SCN7A: variants seen among roughly 807,000 people sequenced by gnomAD.
SCN7A encodes the protein sodium channel protein type 7 subunit alpha.
In SCN7A, 138 loss-of-function variants were observed where a neutral mutation model predicts 155.2. The ratio of observed to expected loss-of-function variants is 0.89; its 90% CI spans 0.77 to 1.02. SCN7A has a LOEUF of 1.02. Ranked by LOEUF, SCN7A falls within the 50% of genes least tolerant of loss-of-function variation. SCN7A has a pLI of 0.00. For synonymous variants in SCN7A, 693 were observed against 649.0 expected, an observed-to-expected ratio of 1.07 and a Z score of -1.03; for missense variants, 2,058 against 1,986.6, an observed-to-expected ratio of 1.04 and a Z score of -0.68.
chr2:166,493,743 C>T (rs1683166307), intron 1 of SCN7A, among the ~76,000 whole-genome samples: 1 of 152,182 alleles, frequency 6.6e-6, no homozygotes, highest in African/African-American at 2.4e-5. Flanking sequence ...AGAAAACTGA[C>T]GGCACATGCC....
chr2:166,425,293 G>A (rs1701599473), intron 18 of SCN7A, among the ~76,000 whole-genome samples: 1 of 152,070 alleles, frequency 6.6e-6, no homozygotes, highest in Non-Finnish European at 1.5e-5. Flanking sequence ...AGTGGCCTGG[G>A]AAGTACTAAG....
Position 166,409,865 on chromosome 2 carries a change from A to T in SCN7A, c.3782T>A (p.Ile1261Lys). 6.4e-7 allele frequency: 1 copy of T among 1,568,558 alleles called. No homozygotes were observed. The highest frequency in any genetic ancestry group is 8.7e-7 in the Non-Finnish European group (1 of 1,154,706). Reference protein sequence around the residue: ...QAFNVIVMVLICFQAIAMMID... With the variant: ...QAFNVIVMVLKCFQAIAMMID... Reference sequence around the variant, plus strand: ...CATCATGGCTATTGCTTGGAAACATATAAGAACCATAACAATGACATTAAA... The same window carrying T: ...CATCATGGCTATTGCTTGGAAACATTTAAGAACCATAACAATGACATTAAA... The change falls in exon 25 of 26, where the codon ATA becomes AAA. Residue 1261 changes from isoleucine (I) to lysine (K), a missense_variant. Physicochemically the swap from Ile to Lys is moderately radical, Grantham distance 102. Coordinates refer to ENST00000643258, the MANE Select transcript of SCN7A (RefSeq NM_002976.4).
chr2:166,413,997 A>ATATATATATATATATG (rs1460237741), intron 21 of SCN7A, among the ~76,000 whole-genome samples: 1 of 100,928 alleles, frequency 9.9e-6, no homozygotes, highest in East Asian at 2.4e-4. Flanking sequence ...ATATATATAT[A>ATATATATATATATATG]TATATAAATA....
At chr2:166,425,731 A>G (rs1323157763) in intron 18 of SCN7A, among the ~76,000 whole-genome samples, 1 of 152,070 alleles carries the variant, frequency 6.6e-6, no homozygotes. Context: ...CTTTTGCCCG[A>G]ACCATTGTGA....
chr2:166,427,613 C>T (rs149848032), intron 18 of SCN7A, among the ~76,000 whole-genome samples, 175 bp downstream of exon 18: 117 of 151,944 alleles, frequency 7.7e-4, no homozygotes, highest in African/African-American at 2.7e-3. Flanking sequence ...CATATATAAA[C>T]TTTCTAAGAA....
intron 25 of SCN7A, among the ~76,000 whole-genome samples, chr2:166,409,397 A>G (rs71428923): frequency 0.076 from 11,476 of 151,982 alleles, 521 homozygotes; most frequent in Middle Eastern, 0.13. Context: ...AGGGTTGACT[A>G]AACATTCACC....
At chr2:166,465,316 T>G (rs1168994015) in intron 9 of SCN7A, 146 bp downstream of exon 9, 3 of 647,356 alleles carry the variant, frequency 4.6e-6, no homozygotes, top group Non-Finnish European at 8.1e-6. Context: ...GCAGCCTGAG[T>G]AGACTAAGAC....
At chr2:166,455,522 C>A (rs1702254915) in intron 11 of SCN7A, among the ~76,000 whole-genome samples, 1 of 151,968 alleles carries the variant, frequency 6.6e-6, no homozygotes, top group Non-Finnish European at 1.5e-5. Flanking sequence ...ATAATGGGAA[C>A]AACAGACCTT....
intron 5 of SCN7A, among the ~76,000 whole-genome samples, chr2:166,473,428 AG>A (rs1702703274): frequency 1.3e-5 from 2 of 151,622 alleles, no homozygotes; most frequent in Non-Finnish European, 3.0e-5. Flanking sequence ...AAAACTCAAA[AG>A]GTAACTTCAA....
chr2:166,458,210 C>T (rs981329424), intron 10 of SCN7A, among the ~76,000 whole-genome samples: 1 of 151,912 alleles, frequency 6.6e-6, no homozygotes, highest in Non-Finnish European at 1.5e-5. Context: ...TGCCTGTAGT[C>T]CCAGCTACTC....
At position 166,409,814 on chromosome 2, in the gene SCN7A, T is replaced by G. The variant is rs1366060311; in HGVS notation, c.3833A>C (p.Gln1278Pro). 1 of 1,573,234 alleles carries G rather than the reference T, an allele frequency of 6.4e-7. No individual in the cohort carries two copies. The highest frequency in any genetic ancestry group is 2.3e-5 in the East Asian group (1 of 43,282). ...AATCCAGTAGAGAGCAATGGACATT[T>G]GTAGACTCTGAACATCAGTGTCTAT... ...MMIDTDVQSL[Q>P]MSIALYWINS... Residue 1278 changes from glutamine (Q) to proline (P), a missense_variant, in exon 25 of 26, where the codon CAA becomes CCA. By Grantham distance (76) the Gln-to-Pro change is moderately conservative. Transcript: ENST00000643258.
chr2:166,408,141 G>A (rs1701116956), intron 25 of SCN7A, among the ~76,000 whole-genome samples: 1 of 151,856 alleles, frequency 6.6e-6, no homozygotes, highest in Non-Finnish European at 1.5e-5. Context: ...TCTTTCCAAT[G>A]TGATTTCTGG....
In SCN7A at chr2:166,474,320, T is replaced by C; in HGVS notation, c.259A>G (p.Arg87Gly). The change falls in exon 4 of 26, where the codon AGA (arginine) becomes GGA (glycine). Residue 87 changes from arginine (R) to glycine (G), a missense_variant. Coordinates refer to ENST00000643258, the MANE Select transcript of SCN7A (RefSeq NM_002976.4). The stretch of plus-strand genomic sequence containing the variant: ...GCCGCATTGAATCTGAAGATTGTTC[T>C]ATTTTTATTTAATACTATGAAAGTC... ...KNTFIVLNKN[R>G]TIFRFNAASI... The C allele has an allele frequency of 6.6e-7, 1 of 1,510,256 alleles. No individual in the cohort carries two copies. The highest frequency in any genetic ancestry group is 8.9e-7 in the Non-Finnish European group (1 of 1,117,400). 93.6% of individuals were successfully genotyped at this position (1,510,256 alleles called of 1,614,324 possible).
chr2:166,431,259 A>T (rs2105410694), intron 16 of SCN7A, among the ~76,000 whole-genome samples: 1 of 152,226 alleles, frequency 6.6e-6, no homozygotes, highest in African/African-American at 2.4e-5. Flanking sequence ...AATGAATCTT[A>T]GACTATTGGG....
chr2:166,477,778 G>A (rs1702834438), intron 2 of SCN7A, 68 bp from the exon 3 acceptor site: 6 of 920,974 alleles, frequency 6.5e-6, no homozygotes, highest in East Asian at 2.8e-5. Context: ...ATTAGGATAC[G>A]AAAAATAGAG....
At position 166,470,705 on chromosome 2, in the gene SCN7A, C is replaced by T. The variant is rs1334859835; in HGVS notation, c.574G>A (p.Val192Ile). The T allele has an allele frequency of 2.5e-6, 4 of 1,597,772 alleles. No individual in the cohort carries two copies. Among genetic ancestry groups the T allele is most frequent in the Non-Finnish European group, 3.4e-6 (4 of 1,171,296 alleles). Residue 192 changes from valine (V) to isoleucine (I), a missense_variant and splice_region_variant, in exon 7 of 26, where the codon GTT becomes ATT. Val to Ile is a conservative substitution (Grantham distance 29). Transcript: ENST00000643258. ...TCCAGAGGTGAGTATCTTATAATAA[C>T]CCTGTGGAATTAAATTAGAGTTACT... ...WLDFSVTVFE[V>I]IIRYSPLDFI...
rs1401592404 is a variant in SCN7A at position 166,432,402 on chromosome 2, T to A, written c.2508A>T (p.Val836=). ...LIPSPSVSET[V]PIASGESDIE... is the part of the protein sequence containing the mutation. ...TATCAGATTCTCCTGAAGCAATTGG[T>A]ACAGTTTCTGAGACACTAGGACTGG... is the stretch of plus-strand genomic sequence containing the variant. Residue 836 remains valine, a synonymous_variant, in exon 16 of 26, where the codon GTA becomes GTT. Coordinates refer to ENST00000643258, the MANE Select transcript of SCN7A (RefSeq NM_002976.4). 6.2e-7 allele frequency: 1 copy of A among 1,613,574 alleles called. No individual in the cohort carries two copies. Among genetic ancestry groups the A allele is most frequent in the East Asian group, 2.2e-5 (1 of 44,858 alleles).
intron 6 of SCN7A, 83 bp downstream of exon 6, chr2:166,472,233 AT>A (rs1047002892): frequency 7.2e-7 from 1 of 1,380,766 alleles, no homozygotes; most frequent in African/African-American, 1.5e-5. Flanking sequence ...GCAGGCCAAA[AT>A]CTTTGCAGAC....
chr2:166,446,858 C>T (rs747336229), intron 12 of SCN7A, among the ~76,000 whole-genome samples: 6 of 151,964 alleles, frequency 3.9e-5, no homozygotes, highest in East Asian at 1.9e-4. Flanking sequence ...GGGCATCACA[C>T]GCAGGGACCT....
Sources: gnomAD v4.1 joint callset for allele counts (sites outside exome capture counted in the v4.1 genomes callset) on GRCh38, gnomAD v4.1.1 for gene constraint, MANE v1.5 for transcripts, NCBI Gene and HGNC (gene_info 2026-07-23, HGNC 2026-07-21) for gene names.